PCDH15: variants seen among roughly 807,000 people sequenced by gnomAD.
PCDH15 encodes the protein protocadherin related 15, also known as protocadherin-15.
PCDH15 carries 129 observed loss-of-function variants against 178.5 expected under a neutral mutation model. The observed-to-expected ratio is 0.72, with a 90% confidence interval of 0.63 to 0.84. The LOEUF (loss-of-function observed/expected upper bound fraction) is 0.84, where lower values mean the gene tolerates loss of function less well. Among genes scored for constraint, PCDH15 ranks in the 40% least tolerant of loss-of-function variants. PCDH15 has a pLI of 0.00. For missense variants in PCDH15, 2,230 were observed against 2,099.9 expected (o/e 1.06, Z -1.21); for synonymous variants, 800 against 732.0 (o/e 1.09, Z -1.50).
At chr10:54,850,682 G>A (rs922709401) in intron 3 of PCDH15, among the ~76,000 whole-genome samples, 1 of 151,954 alleles carries the variant, frequency 6.6e-6, no homozygotes, top group Non-Finnish European at 1.5e-5. Flanking sequence ...GAAGAGAAAG[G>A]TTCCAACACA....
intron 1 of PCDH15, among the ~76,000 whole-genome samples, chr10:55,224,405 G>A (rs998845500): frequency 6.6e-6 from 1 of 152,082 alleles, no homozygotes; most frequent in Non-Finnish European, 1.5e-5. Context: ...AGCTAGTTCT[G>A]AGTCTGTGCT....
chr10:55,413,257 A>T (rs1180986230), intron 2 of PCDH15, among the ~76,000 whole-genome samples: 2 of 151,570 alleles, frequency 1.3e-5, no homozygotes, highest in Non-Finnish European at 3.0e-5. Context: ...TTGAGCACTT[A>T]TTGTTTGTTC....
At chr10:55,549,319 C>T (rs10825539) in intron 2 of PCDH15, among the ~76,000 whole-genome samples, 113,066 of 152,094 alleles carry the variant, frequency 0.74, 42,920 homozygotes, top group East Asian at 0.99. Context: ...TGATTACTTA[C>T]AGCCCGTTAC....
At chr10:54,062,265 A>AAAAAATT (rs2094045082) in intron 18 of PCDH15, among the ~76,000 whole-genome samples, 1 of 145,730 alleles carries the variant, frequency 6.9e-6, no homozygotes, top group Non-Finnish European at 1.5e-5. Context: ...AAAAACAACT[A>AAAAAATT]AATGAAAACT....
At chr10:54,830,888 T>A (rs576345907) in intron 3 of PCDH15, among the ~76,000 whole-genome samples, 59 of 152,176 alleles carry the variant, frequency 3.9e-4, no homozygotes, top group African/African-American at 1.4e-3. Context: ...ATCACTTGTC[T>A]GCTTTCCTCA....
chr10:53,837,712 A>T (rs1242928945), intron 29 of PCDH15, among the ~76,000 whole-genome samples: 2 of 151,998 alleles, frequency 1.3e-5, no homozygotes, highest in East Asian at 3.9e-4. Flanking sequence ...TACAGAATAG[A>T]TACCAATACT....
intron 2 of PCDH15, among the ~76,000 whole-genome samples, chr10:54,618,704 CAAT>C (rs975859949): frequency 5.3e-5 from 8 of 151,966 alleles, no homozygotes; most frequent in African/African-American, 1.9e-4. Context: ...ACCAGTGGAG[CAAT>C]AATGAGTTTG....
rs190365813 is a variant in PCDH15 at position 55,037,090 on chromosome 10, T to A, written c.-80+129486A>T. 3.9e-3 allele frequency among the ~76,000 whole-genome samples: 587 copies of A among 152,280 alleles called. 6 individuals are homozygous for A. Among genetic ancestry groups the A allele is most frequent in the African/African-American group, 0.013 (548 of 41,568 alleles). ...TTTCCCATCACAGAATCAGAAGACA[T>A]AATGTTATTTTCCAAAGAGTTGGAA... On this transcript the variant is annotated intron_variant, in intron 2 of 5. Coordinates refer to the PCDH15 transcript ENST00000458638.
At chr10:54,851,656 A>G (rs1006920707) in intron 3 of PCDH15, among the ~76,000 whole-genome samples, 63 of 152,068 alleles carry the variant, frequency 4.1e-4, no homozygotes, top group African/African-American at 1.4e-3. Flanking sequence ...GTGCAGTGGC[A>G]TGACCTCGGC....
intron 3 of PCDH15, among the ~76,000 whole-genome samples, chr10:54,382,619 G>A (rs1009991404): frequency 2.6e-5 from 4 of 152,072 alleles, no homozygotes; most frequent in African/African-American, 9.7e-5. Flanking sequence ...ATGTGTCTAT[G>A]TGTCTGTATA....
At chr10:53,826,037 T>C (rs1222545955) in intron 32 of PCDH15, among the ~76,000 whole-genome samples, 2 of 151,724 alleles carry the variant, frequency 1.3e-5, no homozygotes, top group Non-Finnish European at 3.0e-5. Flanking sequence ...ACTTTACACA[T>C]AATCCTTTTT....
At chr10:55,547,489 T>C (rs534788520) in intron 2 of PCDH15, among the ~76,000 whole-genome samples, 217 of 152,178 alleles carry the variant, frequency 1.4e-3, no homozygotes, top group African/African-American at 4.7e-3. Flanking sequence ...GCAGCACCAA[T>C]AGTCTACATA....
In PCDH15 at chr10:54,327,277, A is replaced by G. The variant is rs559373296; in HGVS notation, c.705+2319T>C. ...ACCTTTTCTTCACATCTTCAGTTAA[A>G]TAGAAAAAAGAATTTTCTGTGTTTT... On this transcript the variant is annotated intron_variant, in intron 7 of 37. Coordinates refer to ENST00000644397, the MANE Select transcript of PCDH15 (RefSeq NM_001384140.1). Among the ~76,000 whole-genome samples the G allele has an allele frequency of 2.0e-5, 3 of 152,038 alleles. No individual in the cohort carries two copies. In the South Asian group the frequency reaches 6.2e-4, roughly 31 times the overall value.
At chr10:54,238,655 G>A (rs947379736) in intron 8 of PCDH15, among the ~76,000 whole-genome samples, 9 of 78,344 alleles carry the variant, frequency 1.1e-4, no homozygotes, top group South Asian at 3.9e-4. Context: ...TTCCTCCCAT[G>A]CTGCCTCTCT....
intron 31 of PCDH15, 124 bp from the exon 32 acceptor site, chr10:53,827,672 A>T: frequency 9.0e-7 from 1 of 1,109,102 alleles, no homozygotes; most frequent in Non-Finnish European, 1.3e-6. Context: ...TTACACAAAC[A>T]TCAATTTATA....
chr10:54,295,578 G>T (rs1356180683), intron 8 of PCDH15, among the ~76,000 whole-genome samples: 1 of 152,174 alleles, frequency 6.6e-6, no homozygotes, highest in Non-Finnish European at 1.5e-5. Flanking sequence ...CCACTGGAAA[G>T]AAGAAACTCT....
chr10:54,028,590 A>C (rs1350295797), intron 18 of PCDH15, among the ~76,000 whole-genome samples: 1 of 149,372 alleles, frequency 6.7e-6, no homozygotes, highest in African/African-American at 2.4e-5. Context: ...CATATACACC[A>C]TGGAATACTA....
intron 2 of PCDH15, among the ~76,000 whole-genome samples, chr10:55,509,317 C>T (rs1181823475): frequency 6.6e-6 from 1 of 151,626 alleles, no homozygotes; most frequent in Non-Finnish European, 1.5e-5. Flanking sequence ...GCACATAGTT[C>T]GCTGTTAAAA....
At chr10:55,536,784 C>T (rs554923113) in intron 2 of PCDH15, among the ~76,000 whole-genome samples, 2 of 152,106 alleles carry the variant, frequency 1.3e-5, no homozygotes, top group Admixed American at 6.6e-5. Flanking sequence ...CAAAATTTAT[C>T]ATCTTCTCTC....
Sources: allele counts gnomAD v4.1 joint callset (sites outside exome capture counted in the v4.1 genomes callset), GRCh38; gene constraint gnomAD v4.1.1; transcripts MANE v1.5; gene names NCBI Gene and HGNC (gene_info 2026-07-23, HGNC 2026-07-21).